The following SYNJ1 variants were observed in gnomAD, a reference collection of about 807,000 sequenced individuals.
SYNJ1 encodes the protein polyphosphatidylinositol phosphatase SYNJ1.
A neutral mutation model predicts 168.2 loss-of-function variants in SYNJ1; 78 were observed. That is an observed-to-expected ratio of 0.46 (90% CI 0.39 to 0.56). SYNJ1 has a LOEUF of 0.56. Ranked by LOEUF, SYNJ1 falls within the 20% of genes least tolerant of loss-of-function variation. The pLI is 0.00. For synonymous variants in SYNJ1, 539 were observed against 548.6 expected, an observed-to-expected ratio of 0.98 and a Z score of 0.24; for missense variants, 1,303 against 1,597.6, an observed-to-expected ratio of 0.82 and a Z score of 3.14.
chr21:32,685,039 G>A (rs903251505), intron 9 of SYNJ1, among the ~76,000 whole-genome samples: 5 of 151,674 alleles, frequency 3.3e-5, no homozygotes, highest in Non-Finnish European at 5.9e-5. Context: ...AAAAACAGCC[G>A]GGAGTGGTGG....
rs1389154451 is a variant in SYNJ1 at position 32,686,354 on chromosome 21, C to G, written c.949-437G>C. Among the ~76,000 whole-genome samples the G allele has an allele frequency of 2.0e-5, 3 of 152,054 alleles. No individual in the cohort carries two copies. In the East Asian group the frequency reaches 5.8e-4, roughly 29 times the overall value. ...AAAAAATAGCTATAAAATCAGGATG[C>G]TTTTGGACTTAGGAGATTGAACTTT... On this transcript the variant is annotated intron_variant, in intron 8 of 32. Transcript: ENST00000674351.
chr21:32,711,018 G>A (rs953809998), intron 2 of SYNJ1, among the ~76,000 whole-genome samples: 1 of 152,146 alleles, frequency 6.6e-6, no homozygotes, highest in African/African-American at 2.4e-5. Flanking sequence ...ACTATATAAA[G>A]CCATGAGGTA....
rs780343466 is a variant in SYNJ1 at position 32,645,654 on chromosome 21, G to A, written c.3383C>T (p.Pro1128Leu). Residue 1128 changes from proline (P) to leucine (L), a missense_variant, in exon 25 of 33, where the codon CCG becomes CTG. This residue lies in a region of SYNJ1 where 383 missense variants were observed against 388.8 expected (regional missense o/e 0.99). Transcript: ENST00000674351. Reference protein sequence around the residue: ...TRPAPPQRPPPPSGARSPAPT... With the variant: ...TRPAPPQRPPLPSGARSPAPT... The stretch of plus-strand genomic sequence containing the variant: ...AAATAAAAGGTTGTCACCTGAAGGC[G>A]GAGGAGGTCTCTGTGGGGGAGCCGG... 5.2e-6 allele frequency: 8 copies of A among 1,531,014 alleles called. No individual in the cohort carries two copies. Among genetic ancestry groups the A allele is most frequent in the Non-Finnish European group, 7.0e-6 (8 of 1,145,478 alleles). The allele number at this position is 1,531,014 out of a possible 1,614,324, so 94.8% of individuals were successfully genotyped here. A position where few individuals can be genotyped will look rare whatever the true frequency, so the allele number is the denominator to read the frequency against.
At chr21:32,653,508 G>A in intron 21 of SYNJ1, 142 bp from the exon 22 acceptor site, 1 of 632,608 alleles carries the variant, frequency 1.6e-6, no homozygotes, top group Non-Finnish European at 2.8e-6. Flanking sequence ...GGTAGGGCTG[G>A]TGGTGACCTG....
At position 32,701,986 on chromosome 21, in the gene SYNJ1, G is replaced by C. The variant is rs777625881; in HGVS notation, c.186C>G (p.Leu62=). The C allele has an allele frequency of 1.3e-6, 2 of 1,566,252 alleles. No individual in the cohort carries two copies. Among genetic ancestry groups the C allele is most frequent in the South Asian group, 2.4e-5 (2 of 82,528 alleles). The part of the protein sequence containing the change: ...TYSKVLDAYG[L]LGVLRLNLGD... The stretch of plus-strand genomic sequence containing the variant: ...CAAGATTTAACCGCAGAACACCTAA[G>C]AGTCCATATGCATCCAGTACTTTGG... Residue 62 remains leucine (L), a synonymous_variant, in exon 3 of 33, where the codon CTC becomes CTG. Coordinates refer to ENST00000674351, the MANE Select transcript of SYNJ1 (RefSeq NM_203446.3).
intron 32 of SYNJ1, 76 bp downstream of exon 32, chr21:32,634,785 T>C: frequency 6.7e-7 from 1 of 1,481,888 alleles, no homozygotes. Context: ...ACTTTAGATG[T>C]ATGAAGCAGA....
At chr21:32,726,673 G>T (rs968205826) in intron 2 of SYNJ1, 99 bp downstream of exon 2, 2 of 1,447,874 alleles carry the variant, frequency 1.4e-6, no homozygotes, top group African/African-American at 2.8e-5. Flanking sequence ...GAAATACAGT[G>T]AAAGGGTTGT....
chr21:32,660,822 C>T (rs926136222), intron 18 of SYNJ1, among the ~76,000 whole-genome samples: 5 of 152,164 alleles, frequency 3.3e-5, no homozygotes, highest in Non-Finnish European at 7.4e-5. Context: ...GGGGAAAGGA[C>T]ATAAAATATC....
In SYNJ1 at chr21:32,645,912, G is replaced by A. The variant is rs1049241176; in HGVS notation, c.3248-123C>T. The A allele has an allele frequency of 6.7e-6, 9 of 1,343,508 alleles. No individual in the cohort carries two copies. In the Admixed American group the frequency reaches 1.4e-4, roughly 22 times the overall value. 83.2% of individuals were successfully genotyped at this position (1,343,508 alleles called of 1,614,324 possible). ...GCACAATGGTGTAAAGAAAGGGCAT[G>A]TATTTTCAGTATGAATAACAAAAGC... On this transcript the variant is annotated intron_variant, in intron 24 of 32. Coordinates refer to ENST00000674351, the MANE Select transcript of SYNJ1 (RefSeq NM_203446.3).
intron 22 of SYNJ1, among the ~76,000 whole-genome samples, 189 bp from the exon 23 acceptor site, chr21:32,650,535 C>T (rs2040236933): frequency 6.6e-6 from 1 of 152,224 alleles, no homozygotes; most frequent in South Asian, 2.1e-4. Context: ...GTTCCCAGTT[C>T]TCCCTTTAAA....
intron 23 of SYNJ1, 115 bp from the exon 24 acceptor site, chr21:32,646,717 T>C (rs1385018337): frequency 5.5e-6 from 4 of 720,822 alleles, no homozygotes; most frequent in East Asian, 2.7e-5. Flanking sequence ...CATTATGTCA[T>C]TGCAAACACA....
chr21:32,706,790 G>T (rs2042626827), intron 2 of SYNJ1, among the ~76,000 whole-genome samples: 1 of 151,746 alleles, frequency 6.6e-6, no homozygotes, highest in African/African-American at 2.4e-5. Context: ...TGATGGAAGG[G>T]GGATGAACCT....
chr21:32,700,130 G>A, intron 3 of SYNJ1, 25 bp from the exon 4 acceptor site: 1 of 1,562,054 alleles, frequency 6.4e-7, no homozygotes, highest in Non-Finnish European at 8.7e-7. Context: ...GATTTTACTG[G>A]ATGAAAAATC....
At chr21:32,643,494 G>A in intron 26 of SYNJ1, 37 bp from the exon 27 acceptor site, 1 of 1,599,746 alleles carries the variant, frequency 6.3e-7, no homozygotes, top group South Asian at 1.1e-5. Flanking sequence ...ATATTGTTCA[G>A]GGCCCACAGC....
rs1279341072 is a variant in SYNJ1, at chr21:32,702,025, G to T, written c.147C>A (p.Ile49=). 1 of 1,558,534 alleles carries T rather than the reference G, an allele frequency of 6.4e-7. No homozygotes were observed. The highest frequency in any genetic ancestry group is 8.7e-7 in the Non-Finnish European group (1 of 1,144,774). ...CCAGTACTTTGGAGTATGTACCCTTGATTGCCTCTTTTTCTGCAGATGCTA... is the reference window on the plus strand; with the variant it reads ...CCAGTACTTTGGAGTATGTACCCTTTATTGCCTCTTTTTCTGCAGATGCTA... ...AVLSSAEKEA[I]KGTYSKVLDA... The change falls in exon 3 of 33, where the codon ATC becomes ATA. Residue 49 remains isoleucine (I), a synonymous_variant. Transcript: ENST00000674351.
chr21:32,632,431 G>C (rs2039372724), intron 32 of SYNJ1, among the ~76,000 whole-genome samples: 1 of 151,176 alleles, frequency 6.6e-6, no homozygotes, highest in Admixed American at 6.6e-5. Context: ...TGTCACCCAG[G>C]CTGGAGTGCA....
intron 3 of SYNJ1, among the ~76,000 whole-genome samples, chr21:32,700,955 T>C (rs765345252): frequency 6.6e-6 from 1 of 152,154 alleles, no homozygotes; most frequent in Non-Finnish European, 1.5e-5. Context: ...GCCTATGAAA[T>C]TAGTATAAAG....
intron 32 of SYNJ1, among the ~76,000 whole-genome samples, chr21:32,634,410 T>C (rs2145680319): frequency 6.6e-6 from 1 of 152,284 alleles, no homozygotes; most frequent in South Asian, 2.1e-4. Flanking sequence ...TTCTAAACCA[T>C]CAATTCTTCC....
At chr21:32,661,165 A>G (rs1212482800) in intron 18 of SYNJ1, among the ~76,000 whole-genome samples, 1 of 152,224 alleles carries the variant, frequency 6.6e-6, no homozygotes, top group African/African-American at 2.4e-5. Flanking sequence ...CGTACTGGCC[A>G]TGCATGAAAC....
Sources: gnomAD v4.1 joint callset for allele counts (sites outside exome capture counted in the v4.1 genomes callset) on GRCh38, gnomAD v4.1.1 for gene constraint, gnomAD v4.1.1 regional missense constraint, MANE v1.5 for transcripts, NCBI Gene and HGNC (gene_info 2026-07-23, HGNC 2026-07-21) for gene names.